Variants in RIMKLB observed in about 807,000 individuals in gnomAD.
RIMKLB encodes the protein beta-citrylglutamate synthase B.
Under a neutral mutation model 32.0 loss-of-function variants are expected in RIMKLB, and 7 were observed. That is an observed-to-expected ratio of 0.22 (90% CI 0.12 to 0.41). The LOEUF (loss-of-function observed/expected upper bound fraction) is 0.41. RIMKLB is among the 10% of genes least tolerant of loss of function. The probability of loss-of-function intolerance (pLI) is 1.00; values close to 1 mark genes in which losing one functional copy is unlikely to be tolerated. For synonymous variants in RIMKLB, 172 were observed against 185.1 expected (o/e 0.93, Z 0.57); for missense variants, 289 against 498.7 (o/e 0.58, Z 4.00).
intron 2 of RIMKLB, among the ~76,000 whole-genome samples, chr12:8,737,263 T>C (rs1229100908): frequency 6.6e-6 from 1 of 152,060 alleles, no homozygotes; most frequent in Non-Finnish European, 1.5e-5. Flanking sequence ...TTTTTTTTTT[T>C]TTGCCTGTGT....
At chr12:8,768,127 A>G (rs112045536) in intron 5 of RIMKLB, among the ~76,000 whole-genome samples, 4,994 of 152,278 alleles carry the variant, frequency 0.033, 277 homozygotes, top group African/African-American at 0.11. Flanking sequence ...ATTAGAAGCC[A>G]TGGGTCACGG....
chr12:8,736,206 T>C (rs1445572190), intron 2 of RIMKLB, among the ~76,000 whole-genome samples: 1 of 152,212 alleles, frequency 6.6e-6, no homozygotes, highest in African/African-American at 2.4e-5. Flanking sequence ...GCTACAAGTT[T>C]GGTGTCTGCT....
chr12:8,696,556 G>T (rs1942895966), upstream of RIMKLB, among the ~76,000 whole-genome samples: 1 of 152,160 alleles, frequency 6.6e-6, no homozygotes, highest in Non-Finnish European at 1.5e-5. Flanking sequence ...ACAACTCCAT[G>T]AAGTAGGTGA....
intron 5 of RIMKLB, among the ~76,000 whole-genome samples, chr12:8,764,865 G>A (rs569797032): frequency 1.6e-4 from 24 of 151,584 alleles, no homozygotes; most frequent in Admixed American, 5.9e-4. Flanking sequence ...CCTATTAGGC[G>A]TTGGATTTGC....
chr12:8,712,094 G>A (rs1944423994), intron 1 of RIMKLB, among the ~76,000 whole-genome samples: 2 of 152,170 alleles, frequency 1.3e-5, no homozygotes, highest in South Asian at 2.1e-4. Context: ...TTTACTGCCT[G>A]TAATATGCAT....
chr12:8,744,369 C>T (rs35209939), intron 2 of RIMKLB, among the ~76,000 whole-genome samples: 7,270 of 151,940 alleles, frequency 0.048, 264 homozygotes, highest in Middle Eastern at 0.13. Context: ...TCCCATTTTC[C>T]GGTGGCAACA....
rs1486093274 is a variant in RIMKLB at position 8,776,745 on chromosome 12, TC to T, written c.*2963del. The T allele has an allele frequency of 1.0e-6, 1 of 985,292 alleles. No homozygotes were observed. Among genetic ancestry groups the T allele is most frequent in the Non-Finnish European group, 1.2e-6 (1 of 829,912 alleles). 61.0% of individuals were successfully genotyped at this position (985,292 alleles called of 1,614,324 possible). On this transcript the variant is annotated 3_prime_UTR_variant, in exon 6 of 6. Coordinates refer to ENST00000535829, the MANE Select transcript of RIMKLB (RefSeq NM_001297776.2). ...TTTTCTCCAATGAACATTGAAATCT[TC>T]CTGTATATGTTACCAATAAGAAAAC...
chr12:8,690,157 G>A (rs1942690760), intron 1 of RIMKLB, among the ~76,000 whole-genome samples: 4 of 152,036 alleles, frequency 2.6e-5, no homozygotes, highest in South Asian at 4.1e-4. Context: ...CCTGAAGTTC[G>A]AGAAAAAGCA....
chr12:8,760,555 C>G (rs1022466548), intron 5 of RIMKLB, among the ~76,000 whole-genome samples: 14 of 152,232 alleles, frequency 9.2e-5, no homozygotes, highest in African/African-American at 3.4e-4. Flanking sequence ...TTTACAGTCT[C>G]ACCAACAGTG....
chr12:8,691,034 A>G (rs1942715900), intron 1 of RIMKLB, among the ~76,000 whole-genome samples: 1 of 152,192 alleles, frequency 6.6e-6, no homozygotes, highest in South Asian at 2.1e-4. Flanking sequence ...TGATGTAACT[A>G]TGTGTTTCAA....
In RIMKLB at chr12:8,774,783, TC is replaced by T. The variant is rs1950629800; in HGVS notation, c.*1000del. The stretch of plus-strand genomic sequence containing the variant: ...AAGGAAAAATATTTTTGGGGGCAAA[TC>T]AAGAGCCTATGAGTTCTAAGTATAA... On this transcript the variant is annotated 3_prime_UTR_variant, in exon 6 of 6. Transcript: ENST00000535829. 1 of 985,558 alleles carries T rather than the reference TC, an allele frequency of 1.0e-6. No homozygotes were observed. Among genetic ancestry groups the T allele is most frequent in the African/African-American group, 1.7e-5 (1 of 57,228 alleles). 61.1% of individuals were successfully genotyped at this position (985,558 alleles called of 1,614,324 possible).
Position 8,775,028 on chromosome 12 carries a change from G to C in RIMKLB, c.*1244G>C. The C allele has an allele frequency of 4.1e-6, 4 of 985,740 alleles. No individual in the cohort carries two copies. Among genetic ancestry groups the C allele is most frequent in the Non-Finnish European group, 4.8e-6 (4 of 829,830 alleles). 61.1% of individuals were successfully genotyped at this position (985,740 alleles called of 1,614,324 possible). ...GTTGTTTTCATAAGTAGACTCCACT[G>C]GGGTAGAGGTATTCACCTTAAAACA... On this transcript the variant is annotated 3_prime_UTR_variant, in exon 6 of 6. Coordinates refer to ENST00000535829, the MANE Select transcript of RIMKLB (RefSeq NM_001297776.2).
upstream of RIMKLB, among the ~76,000 whole-genome samples, chr12:8,694,061 G>T (rs1048406548): frequency 5.9e-5 from 9 of 151,918 alleles, no homozygotes; most frequent in Non-Finnish European, 1.0e-4. Context: ...TGGCCAACAT[G>T]GTGAAACCCC....
chr12:8,765,277 G>T (rs914488911), intron 5 of RIMKLB, among the ~76,000 whole-genome samples: 1 of 151,972 alleles, frequency 6.6e-6, no homozygotes, highest in Non-Finnish European at 1.5e-5. Context: ...CTTCTAGCAC[G>T]CAAGTTAGCA....
At chr12:8,719,281 A>G (rs1945195977) in intron 2 of RIMKLB, among the ~76,000 whole-genome samples, 1 of 152,130 alleles carries the variant, frequency 6.6e-6, no homozygotes, top group Non-Finnish European at 1.5e-5. Context: ...GCCTTCATAT[A>G]CTGTAGTTTA....
At chr12:8,756,492 A>G (rs545674230) in intron 5 of RIMKLB, among the ~76,000 whole-genome samples, 5 of 152,080 alleles carry the variant, frequency 3.3e-5, no homozygotes, top group Non-Finnish European at 7.4e-5. Flanking sequence ...CATGTATTGC[A>G]TTTATATAAA....
intron 5 of RIMKLB, among the ~76,000 whole-genome samples, chr12:8,755,039 C>T (rs1220797948): frequency 2.0e-5 from 3 of 152,202 alleles, no homozygotes; most frequent in Non-Finnish European, 4.4e-5. Context: ...GCAACCTCCA[C>T]CTCATGAGTT....
intron 5 of RIMKLB, among the ~76,000 whole-genome samples, chr12:8,761,041 A>G (rs1039313088): frequency 2.0e-5 from 3 of 152,118 alleles, no homozygotes; most frequent in Non-Finnish European, 2.9e-5. Flanking sequence ...TTATGTTGAT[A>G]TATTTTAGAT....
At chr12:8,677,748 C>CT (rs373393429), upstream of RIMKLB, among the ~76,000 whole-genome samples, 32 of 145,580 alleles carry the variant, frequency 2.2e-4, no homozygotes, top group Admixed American at 4.1e-4. Flanking sequence ...AACCTTTGCC[C>CT]TTTTTTTTTT....
Sources: allele counts gnomAD v4.1 joint callset (sites outside exome capture counted in the v4.1 genomes callset), GRCh38; gene constraint gnomAD v4.1.1; transcripts MANE v1.5; gene names NCBI Gene and HGNC (gene_info 2026-07-23, HGNC 2026-07-21).